Variants in SYNPR observed in about 807,000 individuals in gnomAD.
SYNPR encodes synaptoporin.
In SYNPR, 23 loss-of-function variants were observed where a neutral mutation model predicts 32.9. The ratio of observed to expected loss-of-function variants is 0.70; its 90% confidence interval spans 0.50 to 0.99. The LOEUF is 0.99. Ranked by LOEUF, SYNPR falls within the 50% of genes least tolerant of loss-of-function variation. The probability of loss-of-function intolerance (pLI) is 0.00; values close to 1 mark genes in which losing one functional copy is unlikely to be tolerated. For missense variants in SYNPR, 318 were observed against 349.3 expected (o/e 0.91, Z 0.71); for synonymous variants, 146 against 135.9 (o/e 1.07, Z -0.52).
chr3:63,521,954 G>A (rs1701923947), intron 3 of SYNPR, among the ~76,000 whole-genome samples: 1 of 152,180 alleles, frequency 6.6e-6, no homozygotes, highest in Non-Finnish European at 1.5e-5. Context: ...GGACAAAAGA[G>A]CAGGTTGAGG....
At position 63,416,741 on chromosome 3, in the gene SYNPR, T is replaced by C. The variant is rs191631396; in HGVS notation, c.85-64091T>C. Among the ~76,000 whole-genome samples, 103 of 152,146 alleles carry C rather than the reference T, an allele frequency of 6.8e-4. No individual in the cohort carries two copies. In the Middle Eastern group the frequency reaches 0.014, roughly 20 times the overall value. ...AAGGAAGAGCAAGTGACATCTTACGTGGATGGCAGCAGGCAAAGAGCTTGT... is the reference window on the plus strand; with the variant it reads ...AAGGAAGAGCAAGTGACATCTTACGCGGATGGCAGCAGGCAAAGAGCTTGT... On this transcript the variant is annotated intron_variant, in intron 2 of 5. Coordinates refer to ENST00000478300, the MANE Select transcript of SYNPR (RefSeq NM_001130003.2).
At chr3:63,536,249 A>C (rs980909105) in intron 3 of SYNPR, among the ~76,000 whole-genome samples, 3 of 152,198 alleles carry the variant, frequency 2.0e-5, no homozygotes, top group Non-Finnish European at 4.4e-5. Flanking sequence ...TCCAGAATAT[A>C]TGAAGAATTC....
chr3:63,209,248 G>A, the SYNPR span, among the ~76,000 whole-genome samples: 1 of 151,028 alleles, frequency 6.6e-6, no homozygotes, highest in Non-Finnish European at 1.5e-5. Flanking sequence ...AACCCGGGGG[G>A]CGGAGCCTGC....
At chr3:63,299,370 G>T (rs1054706867) in intron 2 of SYNPR, among the ~76,000 whole-genome samples, 1 of 152,046 alleles carries the variant, frequency 6.6e-6, no homozygotes, top group African/African-American at 2.4e-5. Context: ...TACTGTGAAG[G>T]TCTTACACAA....
At chr3:63,420,194 T>G (rs1699763402) in intron 2 of SYNPR, among the ~76,000 whole-genome samples, 1 of 152,292 alleles carries the variant, frequency 6.6e-6, no homozygotes, top group South Asian at 2.1e-4. Flanking sequence ...ATGTACCAAA[T>G]ATTTCAGGTA....
chr3:63,603,672 C>T (rs527334280), intron 4 of SYNPR, among the ~76,000 whole-genome samples: 2 of 152,282 alleles, frequency 1.3e-5, no homozygotes, highest in Admixed American at 6.5e-5. Context: ...GTAGCACCAA[C>T]CTTGCATCCC....
intron 3 of SYNPR, among the ~76,000 whole-genome samples, chr3:63,492,019 C>A (rs933597059): frequency 1.3e-5 from 2 of 152,002 alleles, no homozygotes; most frequent in Admixed American, 6.6e-5. Flanking sequence ...CTATCAGAAG[C>A]TGAGAATATG....
At chr3:63,320,325 C>T (rs543612176) in intron 2 of SYNPR, among the ~76,000 whole-genome samples, 19 of 152,098 alleles carry the variant, frequency 1.2e-4, no homozygotes, top group South Asian at 6.2e-4. Context: ...GTCAGCATAA[C>T]GAGGCTTAGT....
At chr3:63,496,137 T>TA (rs1701369592) in intron 3 of SYNPR, among the ~76,000 whole-genome samples, 1 of 152,086 alleles carries the variant, frequency 6.6e-6, no homozygotes, top group African/African-American at 2.4e-5. Flanking sequence ...ATTTATTTTT[T>TA]AAAAATCCTA....
At chr3:63,497,105 G>A (rs1045879285) in intron 3 of SYNPR, among the ~76,000 whole-genome samples, 2 of 152,090 alleles carry the variant, frequency 1.3e-5, no homozygotes, top group African/African-American at 2.4e-5. Flanking sequence ...ATCACACAGA[G>A]TCACACTGCA....
intron 2 of SYNPR, among the ~76,000 whole-genome samples, chr3:63,259,472 C>A (rs931417690): frequency 2.0e-5 from 3 of 152,096 alleles, no homozygotes; most frequent in Non-Finnish European, 4.4e-5. Context: ...AAGACAAAAA[C>A]CACATGATTA....
intron 2 of SYNPR, among the ~76,000 whole-genome samples, chr3:63,300,717 C>T (rs542646277): frequency 6.6e-6 from 1 of 152,166 alleles, no homozygotes; most frequent in Admixed American, 6.6e-5. Flanking sequence ...GTGGGACCAA[C>T]TCTGGTATAA....
intron 2 of SYNPR, among the ~76,000 whole-genome samples, chr3:63,409,495 T>C (rs969216186): frequency 6.6e-6 from 1 of 152,262 alleles, no homozygotes; most frequent in African/African-American, 2.4e-5. Context: ...CATTTGACTC[T>C]TGGCTGACAT....
intron 2 of SYNPR, among the ~76,000 whole-genome samples, chr3:63,259,529 C>G (rs2086419438): frequency 6.6e-6 from 1 of 152,170 alleles, no homozygotes; most frequent in Admixed American, 6.5e-5. Flanking sequence ...AACAGCCCTT[C>G]ATGCTAAAAA....
At chr3:63,203,818 GA>G in the SYNPR span, among the ~76,000 whole-genome samples, 10,010 of 152,136 alleles carry the variant, frequency 0.066, 394 homozygotes, top group South Asian at 0.084. Context: ...CCAATCTGGT[GA>G]AACCCTATCT....
chr3:63,229,058 A>G (rs1217703159), intron 1 of SYNPR, among the ~76,000 whole-genome samples: 1 of 152,220 alleles, frequency 6.6e-6, no homozygotes, highest in African/African-American at 2.4e-5. Context: ...TTTTTATTAT[A>G]TCAAAAAGCA....
At chr3:63,380,632 A>G (rs916814727) in intron 2 of SYNPR, among the ~76,000 whole-genome samples, 10 of 152,148 alleles carry the variant, frequency 6.6e-5, no homozygotes, top group Admixed American at 3.9e-4. Flanking sequence ...TCCCTGATGA[A>G]CACTGATGCA....
At chr3:63,391,556 C>A (rs1052210432) in intron 2 of SYNPR, among the ~76,000 whole-genome samples, 2 of 152,118 alleles carry the variant, frequency 1.3e-5, no homozygotes, top group African/African-American at 4.8e-5. Flanking sequence ...GCCACACACA[C>A]AAAATATATA....
At chr3:63,601,115 A>G (rs1430853837) in intron 4 of SYNPR, among the ~76,000 whole-genome samples, 2 of 152,088 alleles carry the variant, frequency 1.3e-5, no homozygotes, top group East Asian at 3.9e-4. Context: ...TCTACTAAAA[A>G]TACAAAATTA....
Sources: gnomAD v4.1 joint callset for allele counts (sites outside exome capture counted in the v4.1 genomes callset) on GRCh38, gnomAD v4.1.1 for gene constraint, MANE v1.5 for transcripts, NCBI Gene and HGNC (gene_info 2026-07-23, HGNC 2026-07-21) for gene names.